Variants in TMEM164 observed in about 807,000 individuals in gnomAD.
The protein encoded by TMEM164 is transmembrane protein 164.
In TMEM164, 4 loss-of-function variants were observed where a neutral mutation model predicts 18.8. That is an observed-to-expected ratio of 0.21 (90% confidence interval 0.10 to 0.49). TMEM164 has a LOEUF of 0.49. Among genes scored for constraint, TMEM164 ranks in the 20% least tolerant of loss-of-function variants. TMEM164 has a pLI of 0.98. For missense variants in TMEM164, 108 were observed against 239.9 expected (o/e 0.45, Z 3.63); for synonymous variants, 86 against 101.7 (o/e 0.85, Z 0.93).
chrX:110,122,100 A>G (rs1307038259), intron 4 of TMEM164, among the ~76,000 whole-genome samples: 1 of 111,079 alleles, frequency 9.0e-6, no homozygotes, highest in Non-Finnish European at 1.9e-5. Flanking sequence ...ACTCTAAATC[A>G]TGCTGCTATA....
chrX:110,043,288 C>T (rs982184332), intron 2 of TMEM164, among the ~76,000 whole-genome samples: 2 of 112,781 alleles, frequency 1.8e-5, no homozygotes, highest in Non-Finnish European at 3.8e-5. Flanking sequence ...AACACTTTAG[C>T]TCCTTCAATA....
chrX:110,158,489 G>T (rs1164515504), intron 5 of TMEM164, among the ~76,000 whole-genome samples: 1 of 112,212 alleles, frequency 8.9e-6, no homozygotes, highest in African/African-American at 3.2e-5. Flanking sequence ...GCACTGTATT[G>T]CTTTCAGGTT....
intron 2 of TMEM164, among the ~76,000 whole-genome samples, chrX:110,040,597 G>T (rs1216064653): frequency 2.7e-5 from 3 of 111,881 alleles, no homozygotes; most frequent in Admixed American, 9.5e-5. Context: ...TTTGAAAAAA[G>T]AACTGAATGA....
chrX:110,052,882 G>A (rs1254954767), intron 2 of TMEM164, among the ~76,000 whole-genome samples: 1 of 108,778 alleles, frequency 9.2e-6, no homozygotes, highest in East Asian at 2.9e-4. Flanking sequence ...TCCCGAGTAG[G>A]TGGGGCTACA....
intron 2 of TMEM164, among the ~76,000 whole-genome samples, chrX:110,035,257 AT>A (rs1934737676): frequency 9.0e-6 from 1 of 111,018 alleles, no homozygotes; most frequent in African/African-American, 3.3e-5. Flanking sequence ...AATGAAAAAA[AT>A]AAATAAAAAT....
In TMEM164 at chrX:110,164,892, G is replaced by T. The variant is rs1419090652; in HGVS notation, c.587-6528G>T. On this transcript the variant is annotated intron_variant, in intron 5 of 6. Transcript: ENST00000372068. ...GAGGGCCACAGATGAAGCAGGCAAG[G>T]AGAGGTAGGTTGGGTAACAACAAAA... Among the ~76,000 whole-genome samples the T allele has an allele frequency of 4.9e-5, 5 of 103,020 alleles. No homozygotes were observed. In the East Asian group the frequency reaches 1.4e-3, roughly 29 times the overall value. The allele number at this position is 103,020 out of a possible 115,157, so 89.5% of individuals were successfully genotyped here. A position where few individuals can be genotyped will look rare whatever the true frequency, so the allele number is the denominator to read the frequency against.
chrX:110,027,238 T>A (rs993118141), intron 2 of TMEM164, among the ~76,000 whole-genome samples: 6 of 111,714 alleles, frequency 5.4e-5, no homozygotes, highest in African/African-American at 1.3e-4. Context: ...TAAGATTTTT[T>A]AAAAATCATG....
chrX:110,068,236 A>G (rs954926130), intron 3 of TMEM164, among the ~76,000 whole-genome samples: 2 of 112,102 alleles, frequency 1.8e-5, no homozygotes, highest in South Asian at 3.7e-4. Flanking sequence ...TAGGTAGGGG[A>G]AAAAGGACCC....
intron 2 of TMEM164, among the ~76,000 whole-genome samples, chrX:110,013,679 A>G (rs1933136559): frequency 9.0e-6 from 1 of 111,595 alleles, no homozygotes; most frequent in South Asian, 3.8e-4. Flanking sequence ...CCTTTGGACC[A>G]TATTTCCTGG....
At chrX:110,141,136 A>C (rs1164301392) in intron 4 of TMEM164, among the ~76,000 whole-genome samples, 1 of 111,343 alleles carries the variant, frequency 9.0e-6, no homozygotes, top group African/African-American at 3.3e-5. Context: ...TGGGTGACAT[A>C]ATGAGACCCT....
chrX:110,088,289 G>A (rs1228625954), intron 3 of TMEM164, among the ~76,000 whole-genome samples: 1 of 111,541 alleles, frequency 9.0e-6, no homozygotes, highest in Non-Finnish European at 1.9e-5. Context: ...AGCTGCTCTG[G>A]AACCTGAGGG....
rs906426540 is a variant in TMEM164, at chrX:110,123,580, T to G, written c.507+14434T>G. On this transcript the variant is annotated intron_variant, in intron 4 of 6. Coordinates refer to ENST00000372068, the MANE Select transcript of TMEM164 (RefSeq NM_032227.4). ...TCCACCTCCCCTGTTGCATAAGTAC[T>G]GAATGAGATGCCTTTGGTTAATGGA... Among the ~76,000 whole-genome samples, 8 of 112,434 alleles carry G rather than the reference T, an allele frequency of 7.1e-5. 1 individual carries two copies. Among genetic ancestry groups the G allele is most frequent in the African/African-American group, 2.6e-4 (8 of 30,993 alleles).
chrX:110,076,920 G>C (rs764963876), intron 3 of TMEM164, among the ~76,000 whole-genome samples: 21 of 112,121 alleles, frequency 1.9e-4, no homozygotes, highest in Non-Finnish European at 3.6e-4. Flanking sequence ...GATGAGAAGA[G>C]TGTTTATTCT....
chrX:110,053,904 G>A (rs1216793872), intron 2 of TMEM164, among the ~76,000 whole-genome samples: 1 of 111,918 alleles, frequency 8.9e-6, no homozygotes, highest in African/African-American at 3.3e-5. Context: ...TCCTGGGCTG[G>A]GCTCTGGACA....
At chrX:110,012,149 C>T (rs1210812527) in intron 2 of TMEM164, among the ~76,000 whole-genome samples, 1 of 112,123 alleles carries the variant, frequency 8.9e-6, no homozygotes, top group Non-Finnish European at 1.9e-5. Context: ...CCACCTGCAA[C>T]CAGTAGATGC....
At chrX:110,140,810 A>C (rs1267411247) in intron 4 of TMEM164, among the ~76,000 whole-genome samples, 3 of 112,481 alleles carry the variant, frequency 2.7e-5, no homozygotes, top group Non-Finnish European at 3.8e-5. Flanking sequence ...TGTATATTAG[A>C]GTGGAATTCC....
intron 2 of TMEM164, among the ~76,000 whole-genome samples, chrX:110,061,818 G>A (rs1460262615): frequency 9.0e-6 from 1 of 111,626 alleles, no homozygotes; most frequent in Admixed American, 9.6e-5. Flanking sequence ...TGGAGTGTAA[G>A]GGAAGCTTTC....
chrX:110,020,968 TAAAAAA>T (rs147367236), intron 2 of TMEM164, among the ~76,000 whole-genome samples: 5 of 43,637 alleles, frequency 1.1e-4, no homozygotes, highest in Non-Finnish European at 1.5e-4. Context: ...CCCCTTTTTC[TAAAAAA>T]AAAAAAAAAA....
chrX:110,042,681 G>T (rs1935148330), intron 2 of TMEM164, among the ~76,000 whole-genome samples: 1 of 111,997 alleles, frequency 8.9e-6, no homozygotes, highest in South Asian at 3.7e-4. Flanking sequence ...ATCCTCACCA[G>T]CACTTGTTAT....
Sources: gnomAD v4.1 joint callset for allele counts (sites outside exome capture counted in the v4.1 genomes callset) on GRCh38, gnomAD v4.1.1 for gene constraint, MANE v1.5 for transcripts, NCBI Gene and HGNC (gene_info 2026-07-23, HGNC 2026-07-21) for gene names.